Variants in RANBP9 observed in about 807,000 individuals in gnomAD.
The protein encoded by RANBP9 is ran-binding protein 9.
Under a neutral mutation model 84.3 loss-of-function variants are expected in RANBP9, and 15 were observed. That is an observed-to-expected ratio of 0.18 (90% CI 0.12 to 0.27). The LOEUF is 0.27. Among genes scored for constraint, RANBP9 ranks in the 10% least tolerant of loss-of-function variants. The pLI, the probability that RANBP9 is intolerant of heterozygous loss-of-function variation, is 1.00. For synonymous variants in RANBP9, 392 were observed against 349.6 expected, an observed-to-expected ratio of 1.12 and a Z score of -1.35; for missense variants, 809 against 912.8, an observed-to-expected ratio of 0.89 and a Z score of 1.46.
At chr6:13,646,332 C>A (rs566698165) in intron 5 of RANBP9, among the ~76,000 whole-genome samples, 1 of 152,080 alleles carries the variant, frequency 6.6e-6, no homozygotes, top group Non-Finnish European at 1.5e-5. Flanking sequence ...TCGCTTGAAC[C>A]GGGGATGGGG....
Position 13,622,487 on chromosome 6 carries a change from G to A in RANBP9, c.2065C>T (p.His689Tyr), listed in dbSNP as rs925616164. ...AGTGGAGGTTGCTTTGGCAGATTGTGGGTTTCTGAGGAAAAATAATTTAAA... is the reference window on the plus strand; with the variant it reads ...AGTGGAGGTTGCTTTGGCAGATTGTAGGTTTCTGAGGAAAAATAATTTAAA... ...SALNSAILET[H>Y]NLPKQPPLAL... is the part of the protein sequence containing the mutation. The change falls in exon 14 of 14, where the codon CAC (histidine) becomes TAC (tyrosine). Residue 689 changes from histidine to tyrosine, a missense_variant. Around this residue, in one of 5 missense-constraint regions of RANBP9, gnomAD observed 233 missense variants for 234.4 expected, o/e 0.99. Transcript: ENST00000011619. The A allele has an allele frequency of 2.6e-6, 4 of 1,561,340 alleles. No individual in the cohort carries two copies. In the African/African-American group the frequency reaches 5.5e-5, roughly 22 times the overall value.
chr6:13,707,153 G>C (rs752692143), intron 1 of RANBP9, among the ~76,000 whole-genome samples: 1 of 151,984 alleles, frequency 6.6e-6, no homozygotes, highest in East Asian at 1.9e-4. Context: ...CCTCCTAAGT[G>C]GCTGGGATTT....
intron 2 of RANBP9, among the ~76,000 whole-genome samples, chr6:13,688,832 G>A (rs901493292): frequency 6.6e-6 from 1 of 151,510 alleles, no homozygotes; most frequent in Non-Finnish European, 1.5e-5. Context: ...TTCTAAAGCA[G>A]GTATCATATA....
At position 13,622,269 on chromosome 6, in the gene RANBP9, A is replaced by G. The variant is rs1271006787; in HGVS notation, c.*93T>C. ...GACAAAAACCTGTCCCCAGTACATA[A>G]TTTAAAAAATCTAAATTTCAAATCA... On this transcript the variant is annotated 3_prime_UTR_variant, in exon 14 of 14. Coordinates refer to ENST00000011619, the MANE Select transcript of RANBP9 (RefSeq NM_005493.3). The G allele has an allele frequency of 2.2e-5, 28 of 1,291,360 alleles. No homozygotes were observed. Among genetic ancestry groups the G allele is most frequent in the Non-Finnish European group, 2.8e-5 (28 of 993,516 alleles). 80.0% of individuals were successfully genotyped at this position (1,291,360 alleles called of 1,614,324 possible).
chr6:13,628,178 G>C (rs1764675659), intron 12 of RANBP9, among the ~76,000 whole-genome samples: 1 of 152,186 alleles, frequency 6.6e-6, no homozygotes, highest in Non-Finnish European at 1.5e-5. Context: ...TGAATAGTAA[G>C]ATGCAGATTC....
At chr6:13,679,010 A>G (rs1265417689) in intron 2 of RANBP9, among the ~76,000 whole-genome samples, 1 of 152,222 alleles carries the variant, frequency 6.6e-6, no homozygotes, top group Non-Finnish European at 1.5e-5. Context: ...CTAAAGTAAC[A>G]GAAAACAGAA....
intron 1 of RANBP9, among the ~76,000 whole-genome samples, chr6:13,710,331 G>T (rs891585860): frequency 2.6e-5 from 4 of 152,208 alleles, no homozygotes; most frequent in East Asian, 1.9e-4. Context: ...CTAAGAAAAA[G>T]GGTGTTCCTG....
intron 1 of RANBP9, among the ~76,000 whole-genome samples, chr6:13,698,167 AT>A (rs999528915): frequency 3.7e-4 from 56 of 152,142 alleles, no homozygotes; most frequent in African/African-American, 1.3e-3. Context: ...CCACAAAAAA[AT>A]GGAATGAATT....
In RANBP9 at chr6:13,632,538, C is replaced by T. The variant is rs1202159886; in HGVS notation, c.1796-17G>A. On this transcript the variant is annotated splice_polypyrimidine_tract_variant and intron_variant, in intron 11 of 13. Transcript: ENST00000011619. Reference sequence around the variant, plus strand: ...AATCAACTTCTGTAAGAAAAACAGACAAGTATTTTACTACCTTATGGAATG... The same window carrying T: ...AATCAACTTCTGTAAGAAAAACAGATAAGTATTTTACTACCTTATGGAATG... 1 of 1,604,560 alleles carries T rather than the reference C, an allele frequency of 6.2e-7. No homozygotes were observed. The highest frequency in any genetic ancestry group is 1.7e-5 in the Admixed American group (1 of 59,886).
intron 1 of RANBP9, among the ~76,000 whole-genome samples, chr6:13,699,473 G>C (rs1291206403): frequency 6.6e-6 from 1 of 152,168 alleles, no homozygotes; most frequent in Admixed American, 6.5e-5. Context: ...GGGACCAGAA[G>C]TGTTTTAGAT....
chr6:13,689,869 G>C (rs1766283034), intron 2 of RANBP9, among the ~76,000 whole-genome samples: 2 of 152,036 alleles, frequency 1.3e-5, no homozygotes, highest in Non-Finnish European at 2.9e-5. Context: ...CTTAAGAGTT[G>C]CATATTTCTG....
intron 13 of RANBP9, among the ~76,000 whole-genome samples, chr6:13,625,100 C>G (rs1225719810): frequency 6.6e-6 from 1 of 152,186 alleles, no homozygotes; most frequent in Non-Finnish European, 1.5e-5. Context: ...CATTTTCATT[C>G]TCTCCATCAA....
intron 6 of RANBP9, among the ~76,000 whole-genome samples, chr6:13,643,396 C>A (rs902425083): frequency 2.0e-5 from 3 of 152,190 alleles, no homozygotes; most frequent in African/African-American, 7.2e-5. Context: ...TTGCCTCCAC[C>A]TGACACTACT....
intron 2 of RANBP9, among the ~76,000 whole-genome samples, chr6:13,675,650 A>C (rs1277267423): frequency 6.6e-6 from 1 of 151,858 alleles, no homozygotes; most frequent in Non-Finnish European, 1.5e-5. Flanking sequence ...AAAATAAAAT[A>C]AAATAAAATA....
At chr6:13,637,994 C>T (rs759281007) in intron 9 of RANBP9, 39 bp from the exon 10 acceptor site, 2 of 1,542,158 alleles carry the variant, frequency 1.3e-6, no homozygotes, top group African/African-American at 1.4e-5. Flanking sequence ...GAAACAAACA[C>T]TAATTTATTA....
intron 13 of RANBP9, among the ~76,000 whole-genome samples, chr6:13,624,093 A>G (rs1403400883): frequency 6.6e-6 from 1 of 152,238 alleles, no homozygotes; most frequent in East Asian, 1.9e-4. Context: ...ATTTTGTAGA[A>G]CCAATGAAAA....
chr6:13,702,409 T>C (rs546152520), intron 1 of RANBP9, among the ~76,000 whole-genome samples: 2 of 152,186 alleles, frequency 1.3e-5, no homozygotes, highest in South Asian at 2.1e-4. Flanking sequence ...CAAGAAAAAA[T>C]AGTAATAATA....
intron 4 of RANBP9, among the ~76,000 whole-genome samples, chr6:13,655,107 A>C (rs6941522): frequency 6.6e-6 from 1 of 152,272 alleles, no homozygotes; most frequent in South Asian, 2.1e-4. Context: ...CCACTGTTAT[A>C]CCATCTCTCT....
chr6:13,706,025 G>A (rs531597004), intron 1 of RANBP9, among the ~76,000 whole-genome samples: 43 of 152,196 alleles, frequency 2.8e-4, no homozygotes, highest in Non-Finnish European at 5.4e-4. Context: ...AAGCGCTAAT[G>A]ACTGGGGGTA....
Sources: gnomAD v4.1 joint callset for allele counts (sites outside exome capture counted in the v4.1 genomes callset) on GRCh38, gnomAD v4.1.1 for gene constraint, gnomAD v4.1.1 regional missense constraint, MANE v1.5 for transcripts, NCBI Gene and HGNC (gene_info 2026-07-23, HGNC 2026-07-21) for gene names.